The following TASP1 variants were observed in gnomAD, a reference collection of about 807,000 sequenced individuals.
The protein encoded by TASP1 is threonine aspartase 1.
A neutral mutation model predicts 56.6 loss-of-function variants in TASP1; 16 were observed. That is an observed-to-expected ratio of 0.28 (90% confidence interval 0.19 to 0.43). The LOEUF (loss-of-function observed/expected upper bound fraction) is 0.43. Among genes scored for constraint, TASP1 ranks in the 20% least tolerant of loss-of-function variants. The probability of loss-of-function intolerance (pLI) is 1.00; values close to 1 mark genes in which losing one functional copy is unlikely to be tolerated. For missense variants in TASP1, 393 were observed against 511.6 expected, an observed-to-expected ratio of 0.77 and a Z score of 2.24; for synonymous variants, 179 against 184.2, an observed-to-expected ratio of 0.97 and a Z score of 0.23.
At chr20:13,533,603 A>G (rs1456304617) in intron 9 of TASP1, among the ~76,000 whole-genome samples, 1 of 152,218 alleles carries the variant, frequency 6.6e-6, no homozygotes, top group Non-Finnish European at 1.5e-5. Flanking sequence ...AAATGTCACA[A>G]TACATGGAAC....
chr20:13,153,816 T>A, the TASP1 span, among the ~76,000 whole-genome samples: 1 of 152,086 alleles, frequency 6.6e-6, no homozygotes, highest in Non-Finnish European at 1.5e-5. Context: ...GCCTTCCAGG[T>A]GCAAGGTAGT....
At chr20:13,494,002 T>C (rs371133104) in intron 10 of TASP1, among the ~76,000 whole-genome samples, 4 of 152,330 alleles carry the variant, frequency 2.6e-5, no homozygotes, top group African/African-American at 9.6e-5. Context: ...ATGGTGGTGC[T>C]GCTAAGATTG....
chr20:13,508,552 C>T (rs1241555411), intron 10 of TASP1, among the ~76,000 whole-genome samples: 1 of 152,088 alleles, frequency 6.6e-6, no homozygotes, highest in East Asian at 1.9e-4. Flanking sequence ...ACTTCTGGTG[C>T]CCAGCATTTC....
At chr20:13,305,983 C>T in the TASP1 span, among the ~76,000 whole-genome samples, 1 of 152,150 alleles carries the variant, frequency 6.6e-6, no homozygotes, top group Non-Finnish European at 1.5e-5. Flanking sequence ...GCTGCAATAG[C>T]AAAGCTGGGT....
chr20:13,430,729 C>A (rs2042777369), intron 12 of TASP1, among the ~76,000 whole-genome samples: 1 of 152,188 alleles, frequency 6.6e-6, no homozygotes, highest in South Asian at 2.1e-4. Flanking sequence ...AAGGGAGGAG[C>A]ATTCAACAAA....
chr20:13,488,404 T>C (rs779086351), intron 10 of TASP1, among the ~76,000 whole-genome samples: 10 of 151,942 alleles, frequency 6.6e-5, no homozygotes, highest in Non-Finnish European at 1.2e-4. Flanking sequence ...AAGACTAATA[T>C]CTTAAAGATG....
At chr20:13,276,016 A>G in the TASP1 span, among the ~76,000 whole-genome samples, 1 of 152,214 alleles carries the variant, frequency 6.6e-6, no homozygotes, top group African/African-American at 2.4e-5. Flanking sequence ...TTGTTCTTAG[A>G]GCATCAGCAG....
chr20:13,530,887 A>T (rs1056145364), intron 9 of TASP1, among the ~76,000 whole-genome samples: 3 of 152,218 alleles, frequency 2.0e-5, no homozygotes, highest in African/African-American at 7.2e-5. Context: ...ACAAATTTTT[A>T]AAATCTTACT....
the TASP1 span, among the ~76,000 whole-genome samples, chr20:13,348,983 T>C: frequency 6.6e-4 from 100 of 152,328 alleles, no homozygotes; most frequent in South Asian, 8.9e-3. Flanking sequence ...ATTAGAGCAG[T>C]ACGGTTAACT....
the TASP1 span, among the ~76,000 whole-genome samples, chr20:13,283,021 C>A: frequency 6.6e-6 from 1 of 152,102 alleles, no homozygotes; most frequent in Non-Finnish European, 1.5e-5. Flanking sequence ...GAGAATTCCC[C>A]TTTTCTTTCT....
chr20:13,541,238 A>T (rs1261388291), intron 8 of TASP1, among the ~76,000 whole-genome samples: 1 of 152,222 alleles, frequency 6.6e-6, no homozygotes, highest in Non-Finnish European at 1.5e-5. Context: ...TGTCACCTAC[A>T]ACAGAATGAC....
chr20:13,358,362 T>G, the TASP1 span, among the ~76,000 whole-genome samples: 1 of 152,198 alleles, frequency 6.6e-6, no homozygotes, highest in Non-Finnish European at 1.5e-5. Flanking sequence ...TGGGGGGACC[T>G]CCCTTGGGAG....
intron 13 of TASP1, among the ~76,000 whole-genome samples, chr20:13,415,697 C>T (rs977228917): frequency 2.0e-5 from 3 of 152,162 alleles, no homozygotes; most frequent in African/African-American, 7.2e-5. Flanking sequence ...GGACTCTACA[C>T]TCTTTCCTAC....
At chr20:13,515,039 T>G (rs1214162604) in intron 10 of TASP1, among the ~76,000 whole-genome samples, 1 of 152,178 alleles carries the variant, frequency 6.6e-6, no homozygotes, top group Non-Finnish European at 1.5e-5. Flanking sequence ...TAAATACATT[T>G]GATTCAGCAC....
At chr20:13,540,219 T>C (rs2045571379) in intron 8 of TASP1, among the ~76,000 whole-genome samples, 1 of 152,126 alleles carries the variant, frequency 6.6e-6, no homozygotes, top group Non-Finnish European at 1.5e-5. Flanking sequence ...ATCAAAATAC[T>C]TACAGAACAC....
At chr20:13,593,687 G>A (rs114902265) in intron 4 of TASP1, among the ~76,000 whole-genome samples, 2,839 of 152,142 alleles carry the variant, frequency 0.019, 93 homozygotes, top group African/African-American at 0.065. Flanking sequence ...ATAGGTAAAC[G>A]AAGTGGCTGG....
intron 4 of TASP1, among the ~76,000 whole-genome samples, chr20:13,616,374 T>C (rs767696419): frequency 6.6e-6 from 1 of 152,184 alleles, no homozygotes; most frequent in Non-Finnish European, 1.5e-5. Context: ...GAGAGTTCCA[T>C]GCTCCTCAGG....
At chr20:13,261,248 T>G in the TASP1 span, among the ~76,000 whole-genome samples, 1 of 151,996 alleles carries the variant, frequency 6.6e-6, no homozygotes, top group Admixed American at 6.6e-5. Context: ...ACCCCGTCTC[T>G]ACTAAAAATA....
intron 1 of TASP1, among the ~76,000 whole-genome samples, chr20:13,631,609 GAAGCAT>G (rs2049089029): frequency 6.6e-6 from 1 of 152,136 alleles, no homozygotes; most frequent in African/African-American, 2.4e-5. Flanking sequence ...CATTAGTCTA[GAAGCAT>G]AAACATAGAT....
Sources: gnomAD v4.1 joint callset for allele counts (sites outside exome capture counted in the v4.1 genomes callset) on GRCh38, gnomAD v4.1.1 for gene constraint, MANE v1.5 for transcripts, NCBI Gene and HGNC (gene_info 2026-07-23, HGNC 2026-07-21) for gene names.